RBFOX1: variants seen among roughly 807,000 people sequenced by gnomAD.
RBFOX1 encodes the protein RNA binding protein fox-1 homolog 1.
Under a neutral mutation model 57.7 loss-of-function variants are expected in RBFOX1, and 8 were observed. The observed-to-expected ratio is 0.14, with a 90% confidence interval of 0.08 to 0.25. The LOEUF (loss-of-function observed/expected upper bound fraction) is 0.25, where lower values mean the gene tolerates loss of function less well. Ranked by LOEUF, RBFOX1 falls within the 10% of genes least tolerant of loss-of-function variation. RBFOX1 has a pLI of 1.00. For missense variants in RBFOX1, 611 were observed against 548.5 expected (o/e 1.11, Z -1.14); for synonymous variants, 326 against 222.4 (o/e 1.47, Z -4.15).
At chr16:5,813,053 G>C (rs999276858) in intron 3 of RBFOX1, among the ~76,000 whole-genome samples, 3 of 149,596 alleles carry the variant, frequency 2.0e-5, no homozygotes, top group Admixed American at 6.7e-5. Context: ...TGTCACCCCG[G>C]CTGCAGTGCA....
intron 3 of RBFOX1, among the ~76,000 whole-genome samples, chr16:6,820,447 A>C (rs1264200402): frequency 2.0e-5 from 3 of 152,170 alleles, no homozygotes; most frequent in Non-Finnish European, 2.9e-5. Flanking sequence ...AGTTGAGGCC[A>C]GGAGTTCGAC....
At chr16:7,273,785 T>C (rs952648618) in intron 4 of RBFOX1, among the ~76,000 whole-genome samples, 15 of 152,222 alleles carry the variant, frequency 9.9e-5, no homozygotes, top group African/African-American at 3.6e-4. Flanking sequence ...CATTTCATTG[T>C]GTTGTTCATA....
intron 15 of RBFOX1, chr16:7,709,540 A>C: frequency 6.5e-7 from 1 of 1,532,920 alleles, no homozygotes; most frequent in Non-Finnish European, 8.7e-7. Context: ...GCTAAGCTGC[A>C]CACTTCCAGG....
intron 1 of RBFOX1, among the ~76,000 whole-genome samples, chr16:6,180,221 G>A (rs535132063): frequency 1.3e-5 from 2 of 152,102 alleles, no homozygotes. Flanking sequence ...TGAAATTTTG[G>A]TAAAATTCAC....
At chr16:5,588,162 C>G (rs549282691) in intron 2 of RBFOX1, among the ~76,000 whole-genome samples, 13 of 152,150 alleles carry the variant, frequency 8.5e-5, no homozygotes, top group Non-Finnish European at 1.8e-4. Context: ...ACAAATAAAT[C>G]CATAAAGAAG....
chr16:5,389,173 A>G (rs1018430648), intron 1 of RBFOX1, among the ~76,000 whole-genome samples: 39 of 149,118 alleles, frequency 2.6e-4, no homozygotes, highest in African/African-American at 9.2e-4. Flanking sequence ...CCTGGGCGAC[A>G]GAGCGAGACT....
At chr16:6,326,902 T>G (rs1187046578) in intron 2 of RBFOX1, among the ~76,000 whole-genome samples, 1 of 152,152 alleles carries the variant, frequency 6.6e-6, no homozygotes, top group Non-Finnish European at 1.5e-5. Flanking sequence ...AATCTCCATG[T>G]CTTGCATGCA....
intron 4 of RBFOX1, among the ~76,000 whole-genome samples, chr16:7,336,309 TG>T (rs539567577): frequency 3.5e-4 from 54 of 152,348 alleles, no homozygotes; most frequent in Admixed American, 1.4e-3. Flanking sequence ...GCTGCAAGTG[TG>T]GACCCTCACC....
intron 1 of RBFOX1, among the ~76,000 whole-genome samples, chr16:5,272,371 A>C (rs924865588): frequency 2.0e-5 from 3 of 152,226 alleles, no homozygotes; most frequent in Non-Finnish European, 4.4e-5. Context: ...TTAAAAAAAT[A>C]AGTAACTTGT....
chr16:7,048,174 C>T (rs1030250543), intron 3 of RBFOX1, among the ~76,000 whole-genome samples: 3 of 152,002 alleles, frequency 2.0e-5, no homozygotes, highest in Non-Finnish European at 4.4e-5. Flanking sequence ...CCACCGTGCC[C>T]AGCCCAATAT....
chr16:7,012,486 G>T (rs888305774), intron 3 of RBFOX1, among the ~76,000 whole-genome samples: 1 of 152,148 alleles, frequency 6.6e-6, no homozygotes, highest in Non-Finnish European at 1.5e-5. Flanking sequence ...CATTTCCCAA[G>T]CCATGTTAAT....
rs1567187621 is a variant in RBFOX1, at chr16:5,955,330, A to AT, written c.351+87996dup. On this transcript the variant is annotated intron_variant, in intron 4 of 19. Coordinates refer to the RBFOX1 transcript ENST00000641259. The stretch of plus-strand genomic sequence containing the variant: ...ATAAAATAAAATAAAATAAAATAAA[A>AT]TAAAATAAAATAAAATAAAATAAAT... Among the ~76,000 whole-genome samples the AT allele has an allele frequency of 3.3e-4, 28 of 84,500 alleles. 1 individual carries two copies. The highest frequency in any genetic ancestry group is 1.1e-3 in the African/African-American group (20 of 17,716). The allele number at this position is 84,500 out of a possible 152,430, so 55.4% of individuals were successfully genotyped here.
At chr16:6,275,131 C>G (rs1440556078) in intron 1 of RBFOX1, among the ~76,000 whole-genome samples, 1 of 152,100 alleles carries the variant, frequency 6.6e-6, no homozygotes, top group Non-Finnish European at 1.5e-5. Context: ...ATTATTTTAT[C>G]TGCAAGCTTC....
chr16:5,553,358 C>G (rs560375802), intron 2 of RBFOX1, among the ~76,000 whole-genome samples: 1 of 151,348 alleles, frequency 6.6e-6, no homozygotes, highest in African/African-American at 2.4e-5. Context: ...CTCTTTTACC[C>G]GGGCCAGAGT....
intron 4 of RBFOX1, among the ~76,000 whole-genome samples, chr16:7,207,409 A>G (rs1387002063): frequency 1.3e-5 from 2 of 152,166 alleles, no homozygotes; most frequent in Admixed American, 6.5e-5. Context: ...TGAATGGTAG[A>G]GAGAGGAACT....
chr16:6,890,460 G>A (rs910032643), intron 3 of RBFOX1, among the ~76,000 whole-genome samples: 3 of 152,114 alleles, frequency 2.0e-5, no homozygotes, highest in African/African-American at 4.8e-5. Context: ...CAGAGATTTC[G>A]GTGAACTGAG....
At chr16:7,413,419 T>A (rs1392781433) in intron 4 of RBFOX1, among the ~76,000 whole-genome samples, 1 of 152,104 alleles carries the variant, frequency 6.6e-6, no homozygotes, top group African/African-American at 2.4e-5. Flanking sequence ...CCAGAGTTCC[T>A]GATTCACTGG....
At chr16:7,210,571 A>T (rs531674453) in intron 4 of RBFOX1, among the ~76,000 whole-genome samples, 35 of 152,242 alleles carry the variant, frequency 2.3e-4, no homozygotes, top group Non-Finnish European at 4.9e-4. Context: ...TATTCTAACC[A>T]GGTTGACACT....
At chr16:7,501,196 T>A (rs1321102809) in intron 4 of RBFOX1, among the ~76,000 whole-genome samples, 1 of 152,254 alleles carries the variant, frequency 6.6e-6, no homozygotes, top group South Asian at 2.1e-4. Flanking sequence ...GAATGATCAT[T>A]TGTCCTATTT....
Sources: gnomAD v4.1 joint callset for allele counts (sites outside exome capture counted in the v4.1 genomes callset) on GRCh38, gnomAD v4.1.1 for gene constraint, MANE v1.5 for transcripts, NCBI Gene and HGNC (gene_info 2026-07-23, HGNC 2026-07-21) for gene names.